ZC3H12B: variants seen among roughly 807,000 people sequenced by gnomAD.
The protein encoded by ZC3H12B is probable ribonuclease ZC3H12B.
A neutral mutation model predicts 43.9 loss-of-function variants in ZC3H12B; 7 were observed. The ratio of observed to expected loss-of-function variants is 0.16; its 90% CI spans 0.09 to 0.30. The LOEUF (loss-of-function observed/expected upper bound fraction) is 0.30. Among genes scored for constraint, ZC3H12B ranks in the 10% least tolerant of loss-of-function variants. ZC3H12B has a pLI of 1.00. For synonymous variants in ZC3H12B, 222 were observed against 241.7 expected (o/e 0.92, Z 0.76); for missense variants, 475 against 670.2 (o/e 0.71, Z 3.22).
chrX:65,499,851 AAGAC>A (rs774111106), intron 3 of ZC3H12B, 28 bp from the exon 9 acceptor site: 2 of 1,131,316 alleles, frequency 1.8e-6, no homozygotes, highest in South Asian at 3.6e-5. Flanking sequence ...GACAGAAAGG[AAGAC>A]AGTCACCTCT....
chrX:65,143,167 C>T, the ZC3H12B span, among the ~76,000 whole-genome samples: 12 of 111,186 alleles, frequency 1.1e-4, no homozygotes, highest in East Asian at 5.6e-4. Flanking sequence ...TTGTGTCATC[C>T]GTGATTTCTT....
At chrX:65,504,033 C>A (rs938189212) in exon 5 of ZC3H12B, 1 of 112,414 alleles carries the variant, frequency 8.9e-6, no homozygotes, top group Non-Finnish European at 1.9e-5. Context: ...TAGGTTTTTT[C>A]TAATAGAAAT....
chrX:65,215,688 T>C, the ZC3H12B span, among the ~76,000 whole-genome samples: 1 of 111,594 alleles, frequency 9.0e-6, no homozygotes. Flanking sequence ...CACTTTAATT[T>C]ATTTCAATGT....
chrX:65,162,381 C>G, the ZC3H12B span, among the ~76,000 whole-genome samples: 1 of 112,129 alleles, frequency 8.9e-6, no homozygotes, highest in East Asian at 2.8e-4. Context: ...TCGTTCCGTT[C>G]TCCCCATCAC....
At chrX:65,167,552 T>A in the ZC3H12B span, among the ~76,000 whole-genome samples, 3 of 111,867 alleles carry the variant, frequency 2.7e-5, no homozygotes, top group African/African-American at 9.8e-5. Flanking sequence ...ATGTTAAATT[T>A]AAAGTAGTTT....
chrX:65,408,722 G>A (rs1408905037), intron 3 of ZC3H12B: 19 of 683,698 alleles, frequency 2.8e-5, no homozygotes, highest in Non-Finnish European at 4.0e-5. Flanking sequence ...CTGCAAAGTT[G>A]TGTGGATCGC....
chrX:65,457,966 AC>A (rs2067655250), intron 3 of ZC3H12B, among the ~76,000 whole-genome samples: 1 of 65,134 alleles, frequency 1.5e-5, no homozygotes, highest in Non-Finnish European at 2.7e-5. Context: ...AAAACCAGAG[AC>A]CTTTGTTCAC....
intron 3 of ZC3H12B, among the ~76,000 whole-genome samples, chrX:65,399,978 A>C (rs2066744660): frequency 9.0e-6 from 1 of 111,217 alleles, no homozygotes; most frequent in Non-Finnish European, 1.9e-5. Context: ...CTAAAAATAA[A>C]AACAAAAGAA....
At chrX:65,035,254 C>T in the ZC3H12B span, among the ~76,000 whole-genome samples, 7,244 of 111,579 alleles carry the variant, frequency 0.065, 276 homozygotes, top group Non-Finnish European at 0.1. Context: ...ACGACGGGGA[C>T]CATAGGAGAG....
chrX:65,080,188 GAAA>G, the ZC3H12B span, among the ~76,000 whole-genome samples: 2 of 57,059 alleles, frequency 3.5e-5, no homozygotes, highest in African/African-American at 1.3e-4. Context: ...GAAGACAAAA[GAAA>G]AAAAAAAAAA....
chrX:65,108,061 G>A, the ZC3H12B span, among the ~76,000 whole-genome samples: 3 of 111,083 alleles, frequency 2.7e-5, no homozygotes, highest in South Asian at 1.1e-3. Flanking sequence ...ATTAAAAATG[G>A]TACACCTGTA....
chrX:65,225,720 T>A, the ZC3H12B span, among the ~76,000 whole-genome samples: 6 of 111,540 alleles, frequency 5.4e-5, no homozygotes, highest in Non-Finnish European at 1.9e-5. Context: ...GAGAACTACA[T>A]GAAGAATGCA....
the ZC3H12B span, among the ~76,000 whole-genome samples, chrX:65,283,906 A>T: frequency 1.2e-4 from 13 of 111,218 alleles, no homozygotes; most frequent in Non-Finnish European, 2.1e-4. Flanking sequence ...AGTGTCAATA[A>T]TTGAACACTG....
chrX:65,297,303 C>T, the ZC3H12B span, among the ~76,000 whole-genome samples: 2 of 111,214 alleles, frequency 1.8e-5, no homozygotes, highest in South Asian at 3.8e-4. Context: ...AGTAAATTTT[C>T]AGGGTACAAA....
the ZC3H12B span, among the ~76,000 whole-genome samples, chrX:65,350,786 A>G: frequency 3.6e-5 from 4 of 111,982 alleles, no homozygotes; most frequent in African/African-American, 1.3e-4. Context: ...CTCTTAAAGG[A>G]TAACTATAAA....
chrX:65,165,075 T>C, the ZC3H12B span, among the ~76,000 whole-genome samples: 1 of 111,545 alleles, frequency 9.0e-6, no homozygotes, highest in African/African-American at 3.3e-5. Context: ...GTTACAACAG[T>C]AGATATTTGT....
At chrX:65,424,881 T>C (rs1195335511) in intron 3 of ZC3H12B, among the ~76,000 whole-genome samples, 2 of 111,994 alleles carry the variant, frequency 1.8e-5, no homozygotes, top group Admixed American at 9.5e-5. Context: ...TGTAGTATAG[T>C]TTGAAGTTGG....
At chrX:65,388,127 G>C (rs963234214) in intron 2 of ZC3H12B, among the ~76,000 whole-genome samples, 58 of 111,343 alleles carry the variant, frequency 5.2e-4, no homozygotes, top group Non-Finnish European at 7.7e-4. Flanking sequence ...TCTTGGAGTT[G>C]CTCTTCTCGA....
the ZC3H12B span, among the ~76,000 whole-genome samples, chrX:65,217,768 A>T: frequency 1.8e-5 from 2 of 112,143 alleles, no homozygotes; most frequent in Non-Finnish European, 3.8e-5. Flanking sequence ...GAAAAGAAAA[A>T]TGGAAATAGA....
Sources: allele counts gnomAD v4.1 joint callset (sites outside exome capture counted in the v4.1 genomes callset), GRCh38; gene constraint gnomAD v4.1.1; transcripts MANE v1.5; gene names NCBI Gene and HGNC (gene_info 2026-07-23, HGNC 2026-07-21).